Variants in LHFPL6 observed in about 807,000 individuals in gnomAD.
LHFPL6 encodes LHFPL tetraspan subfamily member 6, also known as LHFPL tetraspan subfamily member 6 protein.
LHFPL6 carries 9 observed loss-of-function variants against 20.6 expected under a neutral mutation model. The observed-to-expected ratio is 0.44, with a 90% CI of 0.26 to 0.76. LHFPL6 has a LOEUF of 0.76. Among genes scored for constraint, LHFPL6 ranks in the 30% least tolerant of loss-of-function variants. The probability of loss-of-function intolerance (pLI) is 0.20; values close to 1 mark genes in which losing one functional copy is unlikely to be tolerated. For synonymous variants in LHFPL6, 105 were observed against 98.7 expected, an observed-to-expected ratio of 1.06 and a Z score of -0.38; for missense variants, 218 against 253.5, an observed-to-expected ratio of 0.86 and a Z score of 0.95.
At chr13:39,577,397 T>A (rs1872149403) in intron 2 of LHFPL6, among the ~76,000 whole-genome samples, 1 of 152,152 alleles carries the variant, frequency 6.6e-6, no homozygotes, top group Non-Finnish European at 1.5e-5. Context: ...TTGGAAAGGT[T>A]AGCATTTTAG....
At position 39,574,308 on chromosome 13, in the gene LHFPL6, C is replaced by T. The variant is rs530428727; in HGVS notation, c.385+26524G>A. On this transcript the variant is annotated intron_variant, in intron 2 of 3. Transcript: ENST00000379589. ...TCATCCTGGCTAACATGGTGAAACCCCGTCTCTACTAAAAATACAAAAAAT... is the reference window on the plus strand; with the variant it reads ...TCATCCTGGCTAACATGGTGAAACCTCGTCTCTACTAAAAATACAAAAAAT... Among the ~76,000 whole-genome samples, 3 of 152,118 alleles carry T rather than the reference C, an allele frequency of 2.0e-5. No individual in the cohort carries two copies. The South Asian group carries it at 6.2e-4, about 32-fold the overall frequency.
At chr13:39,538,030 G>T (rs12428813) in intron 2 of LHFPL6, among the ~76,000 whole-genome samples, 7 of 143,270 alleles carry the variant, frequency 4.9e-5, no homozygotes, top group African/African-American at 1.8e-4. Context: ...TTACTCTGTC[G>T]CCCAGGCTGG....
intron 2 of LHFPL6, among the ~76,000 whole-genome samples, chr13:39,436,306 A>G (rs1871955011): frequency 6.6e-6 from 1 of 152,230 alleles, no homozygotes; most frequent in South Asian, 2.1e-4. Context: ...CTATATCAGT[A>G]AAGTTGTGAA....
At chr13:39,444,404 T>G (rs1872229633) in intron 2 of LHFPL6, among the ~76,000 whole-genome samples, 1 of 152,092 alleles carries the variant, frequency 6.6e-6, no homozygotes, top group South Asian at 2.1e-4. Flanking sequence ...TTCATATGGA[T>G]AGAAGGAAGC....
chr13:39,485,375 T>C (rs548644221), intron 2 of LHFPL6, among the ~76,000 whole-genome samples: 1 of 152,328 alleles, frequency 6.6e-6, no homozygotes, highest in South Asian at 2.1e-4. Context: ...ATTAATTATG[T>C]AATTCATACA....
intron 2 of LHFPL6, among the ~76,000 whole-genome samples, chr13:39,439,143 T>C (rs568168556): frequency 6.6e-6 from 1 of 152,274 alleles, no homozygotes; most frequent in South Asian, 2.1e-4. Context: ...CTGCAAAGCC[T>C]CAGGGGTGGA....
intron 2 of LHFPL6, among the ~76,000 whole-genome samples, chr13:39,509,008 G>A (rs1869591921): frequency 6.6e-6 from 1 of 152,142 alleles, no homozygotes; most frequent in Non-Finnish European, 1.5e-5. Context: ...TTTATGCTTC[G>A]TATGGTTAGT....
At chr13:39,512,446 C>CA (rs1869745864) in intron 2 of LHFPL6, among the ~76,000 whole-genome samples, 1 of 151,878 alleles carries the variant, frequency 6.6e-6, no homozygotes, top group African/African-American at 2.4e-5. Flanking sequence ...ACTAAAAATA[C>CA]AAAAAATTAG....
intron 3 of LHFPL6, among the ~76,000 whole-genome samples, chr13:39,359,435 TG>T (rs559536496): frequency 4.7e-4 from 72 of 152,236 alleles, no homozygotes; most frequent in African/African-American, 1.7e-3. Context: ...CATGGTGGAT[TG>T]GGTAAAGAAA....
chr13:39,542,096 TATAATAATAATAATA>T lies in LHFPL6; in HGVS notation c.385+58721_385+58735del, dbSNP rs5802996. Among the ~76,000 whole-genome samples, 202 of 137,138 alleles carry T rather than the reference TATAATAATAATAATA, an allele frequency of 1.5e-3. 1 individual carries two copies. The highest frequency in any genetic ancestry group is 4.9e-3 in the African/African-American group (181 of 36,944). 90.0% of individuals were successfully genotyped at this position (137,138 alleles called of 152,430 possible). On this transcript the variant is annotated intron_variant, in intron 2 of 3. Coordinates refer to ENST00000379589, the MANE Select transcript of LHFPL6 (RefSeq NM_005780.3). The stretch of plus-strand genomic sequence containing the variant: ...ACAGATAGAGACTCTATCTCAAAAA[TATAATAATAATAATA>T]ATAATAATAATAATAATAATAAAAT...
chr13:39,562,361 C>CATATACATATATACATATACATAT (rs1291727748), intron 2 of LHFPL6, among the ~76,000 whole-genome samples: 2,185 of 112,354 alleles, frequency 0.019, 158 homozygotes, highest in East Asian at 0.19. Flanking sequence ...CATATATATA[C>CATATACATATATACATATACATAT]ATATACATAT....
intron 2 of LHFPL6, among the ~76,000 whole-genome samples, chr13:39,383,032 C>T (rs140342725): frequency 6.6e-6 from 1 of 152,214 alleles, no homozygotes; most frequent in East Asian, 1.9e-4. Context: ...GGCCTCCCCA[C>T]TAACTTGCTA....
At chr13:39,374,573 A>G (rs1226743966) in intron 3 of LHFPL6, among the ~76,000 whole-genome samples, 2 of 152,176 alleles carry the variant, frequency 1.3e-5, no homozygotes, top group Admixed American at 1.3e-4. Flanking sequence ...TATTGGGGCC[A>G]TCTATCTTTT....
intron 2 of LHFPL6, among the ~76,000 whole-genome samples, chr13:39,480,865 C>T (rs1483735291): frequency 2.4e-4 from 36 of 152,132 alleles, no homozygotes; most frequent in Non-Finnish European, 4.4e-5. Context: ...GTACATACTA[C>T]ATCAGTATTT....
At chr13:39,523,547 GAAAAA>G (rs10588059) in intron 2 of LHFPL6, among the ~76,000 whole-genome samples, 239 of 129,998 alleles carry the variant, frequency 1.8e-3, no homozygotes, top group African/African-American at 6.4e-3. Flanking sequence ...GTCTCAAAAG[GAAAAA>G]AAAAAAAAAA....
intron 2 of LHFPL6, among the ~76,000 whole-genome samples, chr13:39,466,007 A>G (rs1308749439): frequency 6.6e-6 from 1 of 152,190 alleles, no homozygotes; most frequent in South Asian, 2.1e-4. Context: ...TAGAACGTTC[A>G]TGGTCTTCCC....
chr13:39,399,273 C>T (rs1408703982), intron 2 of LHFPL6, among the ~76,000 whole-genome samples: 3 of 152,146 alleles, frequency 2.0e-5, no homozygotes, highest in Admixed American at 2.0e-4. Flanking sequence ...TGAGAAAACA[C>T]AGACACCACA....
chr13:39,358,399 G>A (rs1192025905), intron 3 of LHFPL6, among the ~76,000 whole-genome samples: 1 of 152,086 alleles, frequency 6.6e-6, no homozygotes, highest in African/African-American at 2.4e-5. Context: ...ATTAACTCGA[G>A]AGATTAAAGA....
intron 2 of LHFPL6, among the ~76,000 whole-genome samples, chr13:39,407,924 C>G (rs1412024704): frequency 2.0e-5 from 3 of 152,156 alleles, no homozygotes; most frequent in Admixed American, 1.3e-4. Context: ...AGTTTTCCTT[C>G]TGAGAATGAA....
Sources: gnomAD v4.1 joint callset for allele counts (sites outside exome capture counted in the v4.1 genomes callset) on GRCh38, gnomAD v4.1.1 for gene constraint, MANE v1.5 for transcripts, NCBI Gene and HGNC (gene_info 2026-07-23, HGNC 2026-07-21) for gene names.